Variants in PCNX2 observed in about 807,000 individuals in gnomAD.
PCNX2 encodes pecanex 2, also known as pecanex-like protein 2.
In PCNX2, 168 loss-of-function variants were observed where a neutral mutation model predicts 223.8. The observed-to-expected ratio is 0.75, with a 90% CI of 0.66 to 0.85. PCNX2 has a LOEUF of 0.85. Ranked by LOEUF, PCNX2 falls within the 40% of genes least tolerant of loss-of-function variation. PCNX2 has a pLI of 0.00. For synonymous variants in PCNX2, 1,006 were observed against 1,052.6 expected (o/e 0.96, Z 0.86); for missense variants, 2,507 against 2,675.5 (o/e 0.94, Z 1.39).
rs1662051663 is a variant in PCNX2 at position 233,295,691 on chromosome 1, T to C, written c.-213A>G. ...GAACCGCGGCGCCGGAGCCGGCTGC[T>C]GCGGCCGGGCAGGTGAGCGCCATGT... On this transcript the variant is annotated 5_prime_UTR_variant, in exon 1 of 34. Transcript: ENST00000258229. This position sits in a 1 kb window ranked among gnomAD's most constrained non-coding sequence, Gnocchi z 4.1. 3 of 457,218 alleles carry C rather than the reference T, an allele frequency of 6.6e-6. No homozygotes were observed. Among genetic ancestry groups the C allele is most frequent in the Non-Finnish European group, 1.1e-5 (3 of 284,570 alleles). The allele number at this position is 457,218 out of a possible 1,614,324, so 28.3% of individuals were successfully genotyped here.
In PCNX2 at chr1:233,000,516, T is replaced by G. The variant is rs768317725; in HGVS notation, c.5117A>C (p.Asp1706Ala). Reference sequence around the variant, plus strand: ...GAGGACTGCTGGGTCTTCATACTCGTCAGGGCAAGTGAACTGGTCCTGGTG... The same window carrying G: ...GAGGACTGCTGGGTCTTCATACTCGGCAGGGCAAGTGAACTGGTCCTGGTG... ...KLHQDQFTCPDEYEDPAVLYE... is the reference protein window; with the variant it reads ...KLHQDQFTCPAEYEDPAVLYE... The change falls in exon 30 of 34, where the codon GAC becomes GCC. Residue 1706 changes from aspartate to alanine, a missense_variant. Physicochemically the swap from Asp to Ala is moderately radical, Grantham distance 126. Around this residue, in one of 3 missense-constraint regions of PCNX2, gnomAD observed 1,372 missense variants for 1,509.4 expected, o/e 0.91. Coordinates refer to ENST00000258229, the MANE Select transcript of PCNX2 (RefSeq NM_014801.4). This position sits in a 1 kb window ranked among gnomAD's most constrained non-coding sequence, Gnocchi z 4.6. 11 of 1,599,068 alleles carry G rather than the reference T, an allele frequency of 6.9e-6. No individual in the cohort carries two copies. Among genetic ancestry groups the G allele is most frequent in the Non-Finnish European group, 9.4e-6 (11 of 1,175,788 alleles).
chr1:233,065,289 A>C (rs1215276234), intron 23 of PCNX2, among the ~76,000 whole-genome samples: 1 of 152,212 alleles, frequency 6.6e-6, no homozygotes, highest in Non-Finnish European at 1.5e-5. Flanking sequence ...CTTACCTCCT[A>C]ATGTTATTGT....
At chr1:233,314,945 A>G in the PCNX2 span, among the ~76,000 whole-genome samples, 10 of 152,214 alleles carry the variant, frequency 6.6e-5, no homozygotes, top group African/African-American at 2.4e-4. Context: ...AATACTTCAC[A>G]TTTATATGGC....
chr1:233,107,890 T>C (rs1674891236), intron 21 of PCNX2, among the ~76,000 whole-genome samples: 1 of 151,994 alleles, frequency 6.6e-6, no homozygotes, highest in Non-Finnish European at 1.5e-5. Flanking sequence ...AAATTACAGG[T>C]CATAAAGACC....
chr1:233,209,943 A>G (rs1681727862), intron 12 of PCNX2, among the ~76,000 whole-genome samples: 3 of 152,228 alleles, frequency 2.0e-5, no homozygotes, highest in Non-Finnish European at 4.4e-5. Flanking sequence ...TATATGAGAC[A>G]TTTCCTCAAA....
At chr1:233,250,019 T>C (rs192485542) in intron 8 of PCNX2, among the ~76,000 whole-genome samples, 1 of 152,304 alleles carries the variant, frequency 6.6e-6, no homozygotes, top group African/African-American at 2.4e-5. Context: ...ACATTCCAGT[T>C]ACACCGGGAA....
At chr1:233,298,618 G>T (rs1287546297), upstream of PCNX2, among the ~76,000 whole-genome samples, 1 of 152,196 alleles carries the variant, frequency 6.6e-6, no homozygotes, top group Non-Finnish European at 1.5e-5. Flanking sequence ...GCCAGTCATG[G>T]TGGTTCACGC....
chr1:232,989,861 C>T (rs564920436), intron 32 of PCNX2, among the ~76,000 whole-genome samples: 301 of 152,332 alleles, frequency 2.0e-3, no homozygotes, highest in African/African-American at 7.1e-3. Flanking sequence ...TAGGCAAGCG[C>T]CTGTAGATGG....
At chr1:233,061,406 G>A (rs1672399846) in intron 23 of PCNX2, among the ~76,000 whole-genome samples, 1 of 152,200 alleles carries the variant, frequency 6.6e-6, no homozygotes, top group Non-Finnish European at 1.5e-5. Context: ...ACGCAGCTCA[G>A]AATGATTTGG....
intron 17 of PCNX2, among the ~76,000 whole-genome samples, chr1:233,163,091 C>T (rs530037796): frequency 2.3e-4 from 35 of 152,100 alleles, no homozygotes; most frequent in Non-Finnish European, 4.3e-4. Context: ...CAGCCTTTCT[C>T]TATTTATTAA....
At chr1:233,046,097 T>C (rs1393701554) in intron 25 of PCNX2, among the ~76,000 whole-genome samples, 2 of 152,252 alleles carry the variant, frequency 1.3e-5, no homozygotes, top group Non-Finnish European at 2.9e-5. Context: ...GTCCACAGCC[T>C]TGGGGAGCTT....
the PCNX2 span, among the ~76,000 whole-genome samples, chr1:233,312,940 T>C: frequency 1.3e-5 from 2 of 150,042 alleles, no homozygotes; most frequent in Admixed American, 1.3e-4. Flanking sequence ...ACTAAGCAAA[T>C]GGAAAGGCAT....
At chr1:233,231,447 A>G (rs1200366179) in intron 9 of PCNX2, among the ~76,000 whole-genome samples, 2 of 152,218 alleles carry the variant, frequency 1.3e-5, no homozygotes, top group African/African-American at 4.8e-5. Flanking sequence ...AATAAAAACG[A>G]AAACAGATAA....
intron 23 of PCNX2, among the ~76,000 whole-genome samples, chr1:233,088,915 A>G (rs1238597581): frequency 6.6e-6 from 1 of 152,188 alleles, no homozygotes; most frequent in East Asian, 1.9e-4. Context: ...TTCTCCTCAC[A>G]AGTCTATGAA....
rs759815837 is a variant in PCNX2 at position 233,208,562 on chromosome 1, A to C, written c.2819T>G (p.Leu940Arg). The change falls in exon 13 of 34, where the codon CTC (leucine) becomes CGC (arginine). Residue 940 changes from leucine to arginine, a missense_variant. By Grantham distance (102) the Leu-to-Arg change is moderately radical. This residue lies in a region of PCNX2 where 104 missense variants were observed against 144.4 expected (regional missense o/e 0.72). Transcript: ENST00000258229. ...TGATTGTAGAAACACTGGAGAGAAG[A>C]GCTTCAGGCCATACACAACGTAACT... ...PPSYVVYGLK[L>R]FSPVFLQSAR... is the part of the protein sequence containing the mutation. 1.2e-6 allele frequency: 2 copies of C among 1,613,892 alleles called. No homozygotes were observed. Among genetic ancestry groups the C allele is most frequent in the Middle Eastern group, 3.3e-4 (2 of 6,062 alleles).
At chr1:233,024,533 C>A (rs1671017041) in intron 26 of PCNX2, among the ~76,000 whole-genome samples, 1 of 152,214 alleles carries the variant, frequency 6.6e-6, no homozygotes, top group Admixed American at 6.5e-5. Context: ...CGGATGAACA[C>A]TACACATCCT....
chr1:233,266,555 C>T (rs10910121), intron 1 of PCNX2, among the ~76,000 whole-genome samples: 58,643 of 151,834 alleles, frequency 0.39, 12,089 homozygotes, highest in African/African-American at 0.54. Flanking sequence ...CTCTAGCTTC[C>T]AGTATTTTCT....
At chr1:233,268,908 C>T (rs974473670) in intron 1 of PCNX2, among the ~76,000 whole-genome samples, 2 of 152,130 alleles carry the variant, frequency 1.3e-5, no homozygotes, top group African/African-American at 4.8e-5. Flanking sequence ...GCTGGTTGGG[C>T]CAAGAAGGTG....
At chr1:233,326,547 A>T in the PCNX2 span, among the ~76,000 whole-genome samples, 5 of 152,250 alleles carry the variant, frequency 3.3e-5, no homozygotes, top group Non-Finnish European at 5.9e-5. Context: ...ACTGAGTCAT[A>T]GAGAAATAAA....
Sources: allele counts gnomAD v4.1 joint callset (sites outside exome capture counted in the v4.1 genomes callset), GRCh38; gene constraint gnomAD v4.1.1; regional missense constraint gnomAD v4.1.1; non-coding constraint Gnocchi (gnomAD v3.1); transcripts MANE v1.5; gene names NCBI Gene and HGNC (gene_info 2026-07-23, HGNC 2026-07-21).